The following PPP1R1C variants were observed in gnomAD, a reference collection of about 807,000 sequenced individuals.
PPP1R1C encodes protein phosphatase 1 regulatory inhibitor subunit 1C.
Under a neutral mutation model 17.4 loss-of-function variants are expected in PPP1R1C, and 15 were observed. The ratio of observed to expected loss-of-function variants is 0.86; its 90% CI spans 0.58 to 1.33. PPP1R1C has a LOEUF of 1.33. Ranked by LOEUF, PPP1R1C falls within the 40% of genes most tolerant of loss-of-function variation. The pLI, the probability that PPP1R1C is intolerant of heterozygous loss-of-function variation, is 0.00. For missense variants in PPP1R1C, 143 were observed against 130.0 expected (o/e 1.10, Z -0.48); for synonymous variants, 35 against 43.1 (o/e 0.81, Z 0.73).
chr2:182,011,040 A>G (rs977249638), intron 2 of PPP1R1C, among the ~76,000 whole-genome samples: 1 of 151,930 alleles, frequency 6.6e-6, no homozygotes, highest in Non-Finnish European at 1.5e-5. Context: ...TTTGTTGAGA[A>G]TTTTTGCATC....
intron 4 of PPP1R1C, among the ~76,000 whole-genome samples, chr2:182,070,685 C>A (rs778710490): frequency 5.9e-5 from 9 of 152,152 alleles, no homozygotes; most frequent in Middle Eastern, 3.2e-3. Flanking sequence ...TTGTATAAAA[C>A]AGTTCTTGCA....
intron 2 of PPP1R1C, among the ~76,000 whole-genome samples, chr2:182,020,542 G>A (rs1686388932): frequency 6.6e-6 from 1 of 152,126 alleles, no homozygotes; most frequent in Non-Finnish European, 1.5e-5. Flanking sequence ...TTTTGCATCT[G>A]TTTCCCTGAC....
chr2:182,093,866 G>T (rs1451714111), intron 4 of PPP1R1C, among the ~76,000 whole-genome samples: 2 of 152,182 alleles, frequency 1.3e-5, no homozygotes, highest in Non-Finnish European at 1.5e-5. Flanking sequence ...CCTCTAGGAA[G>T]TTTCAAACTT....
chr2:182,062,538 A>T (rs1200629488), intron 3 of PPP1R1C, among the ~76,000 whole-genome samples: 3 of 152,156 alleles, frequency 2.0e-5, no homozygotes, highest in African/African-American at 7.2e-5. Context: ...CCCTGTCTAC[A>T]CCTGTGCATA....
downstream of PPP1R1C, among the ~76,000 whole-genome samples, chr2:182,120,461 A>C (rs1315168634): frequency 6.6e-6 from 1 of 152,208 alleles, no homozygotes; most frequent in Non-Finnish European, 1.5e-5. Flanking sequence ...GCAATAAAAA[A>C]TGATAAAGGG....
chr2:182,080,082 G>T (rs995519108), intron 4 of PPP1R1C, among the ~76,000 whole-genome samples: 1 of 152,190 alleles, frequency 6.6e-6, no homozygotes, highest in African/African-American at 2.4e-5. Flanking sequence ...CACTGGTTTT[G>T]AGGATTAAAT....
chr2:182,019,265 A>G (rs1036974058), intron 2 of PPP1R1C, among the ~76,000 whole-genome samples: 11 of 152,282 alleles, frequency 7.2e-5, no homozygotes, highest in African/African-American at 2.2e-4. Context: ...GTTTCTTTGC[A>G]TGGTAGCCAT....
intron 2 of PPP1R1C, among the ~76,000 whole-genome samples, 154 bp from the exon 3 acceptor site, chr2:182,061,288 C>A (rs1418292098): frequency 6.6e-6 from 1 of 152,030 alleles, no homozygotes; most frequent in South Asian, 2.1e-4. Context: ...GGAAACCACC[C>A]ACCTCTGTCC....
intron 1 of PPP1R1C, among the ~76,000 whole-genome samples, chr2:181,968,036 C>T (rs1684937118): frequency 6.6e-6 from 1 of 152,192 alleles, no homozygotes; most frequent in Non-Finnish European, 1.5e-5. Flanking sequence ...TCTAGTTTTA[C>T]TCCATTGTGA....
intron 1 of PPP1R1C, among the ~76,000 whole-genome samples, chr2:181,973,405 A>C (rs534031140): frequency 2.8e-4 from 43 of 152,352 alleles, no homozygotes; most frequent in Non-Finnish European, 5.1e-4. Flanking sequence ...TGCTAAACTG[A>C]AGCAACATAA....
chr2:182,129,127 A>G (rs1044612905), exon 6 of PPP1R1C: 4 of 152,104 alleles, frequency 2.6e-5, no homozygotes, highest in Non-Finnish European at 5.9e-5. Context: ...AGCACTTTAG[A>G]TATTTTATAC....
At chr2:181,999,418 G>A (rs1685698069) in intron 2 of PPP1R1C, among the ~76,000 whole-genome samples, 1 of 152,116 alleles carries the variant, frequency 6.6e-6, no homozygotes, top group East Asian at 1.9e-4. Flanking sequence ...GCTGTTCAAG[G>A]TCAAAAGAGC....
At chr2:181,969,987 G>T (rs1684975533) in intron 1 of PPP1R1C, among the ~76,000 whole-genome samples, 1 of 152,136 alleles carries the variant, frequency 6.6e-6, no homozygotes, top group African/African-American at 2.4e-5. Flanking sequence ...AAATTTATCT[G>T]ATAAGATTCT....
At chr2:181,966,512 C>T (rs948062809) in intron 1 of PPP1R1C, among the ~76,000 whole-genome samples, 2 of 151,658 alleles carry the variant, frequency 1.3e-5, no homozygotes, top group Non-Finnish European at 2.9e-5. Context: ...TTTTTTTCAT[C>T]ATAAAAGGAT....
chr2:181,994,926 G>A (rs6433945), intron 2 of PPP1R1C, among the ~76,000 whole-genome samples: 2,913 of 152,278 alleles, frequency 0.019, 87 homozygotes, highest in African/African-American at 0.067. Context: ...TGAGGTCAGA[G>A]CTAAAATTTT....
intron 2 of PPP1R1C, among the ~76,000 whole-genome samples, chr2:182,036,559 AACT>A (rs1380102903): frequency 6.6e-6 from 1 of 152,190 alleles, no homozygotes; most frequent in African/African-American, 2.4e-5. Context: ...TAGTTAAAAT[AACT>A]ACATTTATCT....
intron 2 of PPP1R1C, among the ~76,000 whole-genome samples, chr2:182,022,816 T>C (rs1352060971): frequency 6.6e-6 from 1 of 152,168 alleles, no homozygotes; most frequent in Non-Finnish European, 1.5e-5. Context: ...TGCTAACAGG[T>C]GGAGTGAACC....
intron 2 of PPP1R1C, among the ~76,000 whole-genome samples, chr2:181,992,807 G>A (rs1439382992): frequency 1.3e-5 from 1 of 78,108 alleles, no homozygotes; most frequent in African/African-American, 4.8e-5. Context: ...AAAAACAAAG[G>A]TTGTTCTCAC....
chr2:182,038,389 G>T (rs2125177364), intron 2 of PPP1R1C, among the ~76,000 whole-genome samples: 1 of 152,242 alleles, frequency 6.6e-6, no homozygotes, highest in African/African-American at 2.4e-5. Flanking sequence ...GGATACATGG[G>T]CACCTGGAGT....
Sources: allele counts gnomAD v4.1 joint callset (sites outside exome capture counted in the v4.1 genomes callset), GRCh38; gene constraint gnomAD v4.1.1; transcripts MANE v1.5; gene names NCBI Gene and HGNC (gene_info 2026-07-23, HGNC 2026-07-21).